GPR180: variants seen among roughly 807,000 people sequenced by gnomAD.
GPR180 encodes the protein integral membrane protein GPR180.
In GPR180, 53 loss-of-function variants were observed where a neutral mutation model predicts 52.6. The observed-to-expected ratio is 1.01, with a 90% CI of 0.81 to 1.27. The LOEUF (loss-of-function observed/expected upper bound fraction) is 1.27. Ranked by LOEUF, GPR180 falls within the 50% of genes most tolerant of loss-of-function variation. The probability of loss-of-function intolerance (pLI) is 0.00; values close to 1 mark genes in which losing one functional copy is unlikely to be tolerated. For synonymous variants in GPR180, 200 were observed against 193.1 expected (o/e 1.04, Z -0.30); for missense variants, 533 against 527.0 (o/e 1.01, Z -0.11).
rs1164257670 is a variant in GPR180, at chr13:94,608,940, AT to A, written c.305-3247del. On this transcript the variant is annotated intron_variant, in intron 2 of 8. Coordinates refer to ENST00000376958, the MANE Select transcript of GPR180 (RefSeq NM_180989.6). ...CTCTTTGTTCTGTCATAAAAATCTG[AT>A]TTAAAAAATACTAAAAACTATTTTG... Among the ~76,000 whole-genome samples the A allele has an allele frequency of 2.6e-5, 4 of 152,318 alleles. No individual in the cohort carries two copies. In the East Asian group the frequency reaches 7.7e-4, roughly 29 times the overall value.
intron 7 of GPR180, among the ~76,000 whole-genome samples, chr13:94,625,200 A>G (rs1175344988): frequency 6.6e-6 from 1 of 152,218 alleles, no homozygotes; most frequent in Non-Finnish European, 1.5e-5. Flanking sequence ...CAAACATCTA[A>G]AAGTATTTAA....
rs1461300437 is a variant in GPR180 at position 94,631,424 on chromosome 13, T to TGAA, written c.*4255_*4256insAGA. The TGAA allele has an allele frequency of 6.6e-6, 1 of 151,952 alleles. No homozygotes were observed. Among genetic ancestry groups the TGAA allele is most frequent in the Admixed American group, 6.6e-5 (1 of 15,238 alleles). 9.4% of individuals were successfully genotyped at this position (151,952 alleles called of 1,614,324 possible). ...GTATTAGATCCTAGTGGTTCTTTTC[T>TGAA]GATCAGACCCTGATTAACCATACCA... On this transcript the variant is annotated 3_prime_UTR_variant, in exon 9 of 9. Coordinates refer to ENST00000376958, the MANE Select transcript of GPR180 (RefSeq NM_180989.6).
At chr13:94,623,932 G>A (rs148330414) in intron 7 of GPR180, among the ~76,000 whole-genome samples, 4 of 152,076 alleles carry the variant, frequency 2.6e-5, no homozygotes, top group African/African-American at 9.6e-5. Context: ...AATATGGTTT[G>A]GATTTCTCAA....
At chr13:94,609,886 A>G (rs993133766) in intron 2 of GPR180, among the ~76,000 whole-genome samples, 10 of 152,164 alleles carry the variant, frequency 6.6e-5, no homozygotes, top group Admixed American at 2.6e-4. Context: ...GTACAGTCCA[A>G]GTCCTCAAAA....
chr13:94,609,955 T>C (rs192386341), intron 2 of GPR180, among the ~76,000 whole-genome samples: 4 of 152,294 alleles, frequency 2.6e-5, no homozygotes, highest in African/African-American at 9.6e-5. Context: ...ATAACATTTT[T>C]CCAACTTTCC....
chr13:94,616,520 G>C (rs1206952649), intron 3 of GPR180, among the ~76,000 whole-genome samples: 1 of 152,166 alleles, frequency 6.6e-6, no homozygotes, highest in Non-Finnish European at 1.5e-5. Flanking sequence ...TGGCCTCTAA[G>C]TTTTCTTGCT....
At chr13:94,613,433 T>C (rs137861663) in intron 3 of GPR180, among the ~76,000 whole-genome samples, 4 of 152,314 alleles carry the variant, frequency 2.6e-5, no homozygotes, top group African/African-American at 9.6e-5. Context: ...TATCTAGTGA[T>C]AGAATGGTGT....
intron 2 of GPR180, 137 bp from the exon 3 acceptor site, chr13:94,612,053 A>G: frequency 1.6e-6 from 1 of 644,330 alleles, no homozygotes. Context: ...GACTTATTCC[A>G]AATACTACAC....
chr13:94,601,942 G>A lies in GPR180; in HGVS notation c.15G>A (p.Arg5=). 2 of 1,496,222 alleles carry A rather than the reference G, an allele frequency of 1.3e-6. No homozygotes were observed. The highest frequency in any genetic ancestry group is 1.8e-6 in the Non-Finnish European group (2 of 1,128,568). 92.7% of individuals were successfully genotyped at this position (1,496,222 alleles called of 1,614,324 possible). The part of the protein sequence containing the change: MGGL[R]LLAVALTCCW... ...TGGAGACGGGCATGGGGGGGCTGCG[G>A]CTGCTGGCTGTGGCCCTCACGTGCT... Residue 5 remains arginine (R), a synonymous_variant, in exon 1 of 9, where the codon CGG becomes CGA. Coordinates refer to ENST00000376958, the MANE Select transcript of GPR180 (RefSeq NM_180989.6).
At position 94,633,833 on chromosome 13, in the gene GPR180, T is replaced by A. The variant is rs1890030642; in HGVS notation, c.*6662T>A. 6.6e-6 allele frequency: 1 copy of A among 152,194 alleles called. No individual in the cohort carries two copies. Among genetic ancestry groups the A allele is most frequent in the Non-Finnish European group, 1.5e-5 (1 of 68,034 alleles). 9.4% of individuals were successfully genotyped at this position (152,194 alleles called of 1,614,324 possible). The stretch of plus-strand genomic sequence containing the variant: ...CTAGTGGTTTTATGGTTTTATTTTG[T>A]ATGTTTTTTTCATCCACCTGGAATT... On this transcript the variant is annotated 3_prime_UTR_variant, in exon 9 of 9. Transcript: ENST00000376958.
At position 94,601,888 on chromosome 13, in the gene GPR180, G is replaced by T; in HGVS notation, c.-40G>T. On this transcript the variant is annotated 5_prime_UTR_variant, in exon 1 of 9. Coordinates refer to ENST00000376958, the MANE Select transcript of GPR180 (RefSeq NM_180989.6). Reference sequence around the variant, plus strand: ...CGACGTGGGGCGGGCAGCCGCCGGCGGCTGGGAGCCGAGGCGTCGGTGCAG... The same window carrying T: ...CGACGTGGGGCGGGCAGCCGCCGGCTGCTGGGAGCCGAGGCGTCGGTGCAG... The T allele has an allele frequency of 2.2e-6, 3 of 1,350,536 alleles. No homozygotes were observed. Among genetic ancestry groups the T allele is most frequent in the Non-Finnish European group, 2.9e-6 (3 of 1,050,814 alleles). 83.7% of individuals were successfully genotyped at this position (1,350,536 alleles called of 1,614,324 possible).
At chr13:94,612,429 A>G (rs1889720082) in intron 3 of GPR180, 39 bp downstream of exon 3, 1 of 1,388,456 alleles carries the variant, frequency 7.2e-7, no homozygotes, top group South Asian at 1.2e-5. Flanking sequence ...AATTCAGGAA[A>G]AGATTTATGT....
intron 3 of GPR180, among the ~76,000 whole-genome samples, chr13:94,614,212 C>A (rs143891455): frequency 2.6e-5 from 4 of 152,226 alleles, no homozygotes; most frequent in African/African-American, 9.6e-5. Context: ...TTCATATGAC[C>A]CTTATTTTTA....
At chr13:94,607,167 A>C (rs777671519) in intron 2 of GPR180, among the ~76,000 whole-genome samples, 1 of 151,162 alleles carries the variant, frequency 6.6e-6, no homozygotes, top group Non-Finnish European at 1.5e-5. Flanking sequence ...CCCCTCATAC[A>C]TCAGTTAAGT....
rs1047098313 is a variant in GPR180, at chr13:94,632,400, T to C, written c.*5229T>C. The C allele has an allele frequency of 2.0e-5, 3 of 152,186 alleles. No homozygotes were observed. Among genetic ancestry groups the C allele is most frequent in the Admixed American group, 6.5e-5 (1 of 15,274 alleles). 9.4% of individuals were successfully genotyped at this position (152,186 alleles called of 1,614,324 possible). ...CATATATGAAACACAAATTATAGCA[T>C]AACATACAGACTTTTGCACATTCAG... On this transcript the variant is annotated 3_prime_UTR_variant, in exon 9 of 9. Coordinates refer to ENST00000376958, the MANE Select transcript of GPR180 (RefSeq NM_180989.6).
At chr13:94,608,318 G>C (rs1367166168) in intron 2 of GPR180, among the ~76,000 whole-genome samples, 1 of 152,154 alleles carries the variant, frequency 6.6e-6, no homozygotes, top group Non-Finnish European at 1.5e-5. Flanking sequence ...AACTCTTAAG[G>C]ATGGAGTTAC....
Position 94,629,887 on chromosome 13 carries a change from A to G in GPR180, c.*2716A>G, listed in dbSNP as rs1889972694. Reference sequence around the variant, plus strand: ...ATCTGAGATCATCTCTAAAATAATGAGACTAGAACCTATCTATCAACATGA... The same window carrying G: ...ATCTGAGATCATCTCTAAAATAATGGGACTAGAACCTATCTATCAACATGA... On this transcript the variant is annotated 3_prime_UTR_variant, in exon 9 of 9. Coordinates refer to ENST00000376958, the MANE Select transcript of GPR180 (RefSeq NM_180989.6). 6.6e-6 allele frequency: 1 copy of G among 152,232 alleles called. No individual in the cohort carries two copies. Among genetic ancestry groups the G allele is most frequent in the South Asian group, 2.1e-4 (1 of 4,830 alleles). The allele number at this position is 152,232 out of a possible 1,614,324, so 9.4% of individuals were successfully genotyped here. A position where few individuals can be genotyped will look rare whatever the true frequency, so the allele number is the denominator to read the frequency against.
At chr13:94,611,312 A>G (rs1889700961) in intron 2 of GPR180, among the ~76,000 whole-genome samples, 1 of 152,158 alleles carries the variant, frequency 6.6e-6, no homozygotes, top group Non-Finnish European at 1.5e-5. Flanking sequence ...GAAAATACAT[A>G]GTTTTTAGAT....
chr13:94,629,414 CAT>C lies in GPR180; in HGVS notation c.*2244_*2245del, dbSNP rs1269042746. 3 of 152,032 alleles carry C rather than the reference CAT, an allele frequency of 2.0e-5. No homozygotes were observed. Among genetic ancestry groups the C allele is most frequent in the East Asian group, 3.9e-4 (2 of 5,192 alleles). 9.4% of individuals were successfully genotyped at this position (152,032 alleles called of 1,614,324 possible). A position where few individuals can be genotyped will look rare whatever the true frequency, so the allele number is the denominator to read the frequency against. ...AAAAATAGATGCTTATTTTTATTGA[CAT>C]GTGTATAATAAGATGGGTGCCTACT... On this transcript the variant is annotated 3_prime_UTR_variant, in exon 9 of 9. Coordinates refer to ENST00000376958, the MANE Select transcript of GPR180 (RefSeq NM_180989.6).
Sources: allele counts gnomAD v4.1 joint callset (sites outside exome capture counted in the v4.1 genomes callset), GRCh38; gene constraint gnomAD v4.1.1; transcripts MANE v1.5; gene names NCBI Gene and HGNC (gene_info 2026-07-23, HGNC 2026-07-21).